FRY: variants seen among roughly 807,000 people sequenced by gnomAD.
The protein encoded by FRY is protein furry homolog.
Under a neutral mutation model 348.4 loss-of-function variants are expected in FRY, and 128 were observed. The ratio of observed to expected loss-of-function variants is 0.37; its 90% CI spans 0.32 to 0.43. The LOEUF (loss-of-function observed/expected upper bound fraction) is 0.43. FRY is among the 20% of genes least tolerant of loss of function. FRY has a pLI of 1.00. For synonymous variants in FRY, 1,370 were observed against 1,374.7 expected (o/e 1.00, Z 0.08); for missense variants, 2,736 against 3,695.2 (o/e 0.74, Z 6.73).
chr13:32,247,243 T>C, intron 47 of FRY, 80 bp from the exon 48 acceptor site: 3 of 1,170,470 alleles, frequency 2.6e-6, no homozygotes, highest in Non-Finnish European at 3.8e-6. Context: ...GGTCACTAGC[T>C]TCTCACTGGT....
At chr13:32,083,396 CTGTTA>C (rs1347255679) in intron 2 of FRY, among the ~76,000 whole-genome samples, 10 of 152,050 alleles carry the variant, frequency 6.6e-5, no homozygotes, top group African/African-American at 1.2e-4. Flanking sequence ...CTTTATTGTT[CTGTTA>C]TAACACTACT....
intron 59 of FRY, among the ~76,000 whole-genome samples, chr13:32,291,400 CTTT>C (rs758125136): frequency 7.0e-6 from 1 of 142,206 alleles, no homozygotes. Flanking sequence ...TTTTCTTTTT[CTTT>C]TTTTTTTTTT....
At chr13:32,167,437 C>G (rs1881802017) in intron 17 of FRY, among the ~76,000 whole-genome samples, 1 of 152,182 alleles carries the variant, frequency 6.6e-6, no homozygotes, top group South Asian at 2.1e-4. Context: ...TGATGTCTGC[C>G]TTTATCTTCA....
At chr13:32,141,800 G>T (rs1313419289) in intron 11 of FRY, among the ~76,000 whole-genome samples, 3 of 152,144 alleles carry the variant, frequency 2.0e-5, no homozygotes, top group Non-Finnish European at 2.9e-5. Context: ...TTTAAAGGAG[G>T]TAGGCATGTT....
intron 3 of FRY, among the ~76,000 whole-genome samples, chr13:32,111,838 A>G (rs1238066807): frequency 6.6e-6 from 1 of 152,200 alleles, no homozygotes; most frequent in Non-Finnish European, 1.5e-5. Flanking sequence ...CAGAATAGTC[A>G]TGAGTTACTA....
intron 6 of FRY, 49 bp downstream of exon 6, chr13:32,124,730 A>C (rs1174805076): frequency 2.6e-6 from 4 of 1,515,946 alleles, no homozygotes; most frequent in African/African-American, 1.4e-5. Context: ...TTTAAAACTA[A>C]ATCAGTGGTT....
In FRY at chr13:32,031,999, CTCTT is replaced by C. The variant is rs11272632; in HGVS notation, c.70+156_70+159del. The C allele has an allele frequency of 5.4e-4, 331 of 618,242 alleles. 1 individual carries two copies. The highest frequency in any genetic ancestry group is 1.1e-3 in the Admixed American group (37 of 33,526). 38.3% of individuals were successfully genotyped at this position (618,242 alleles called of 1,614,324 possible). On this transcript the variant is annotated intron_variant, in intron 1 of 60. Coordinates refer to ENST00000542859, the MANE Select transcript of FRY (RefSeq NM_023037.3). ...TTCTTTTTTTCTTTTCTTTTCTTTT[CTCTT>C]TCTTTCTTTCTTTCTTTCTTTTTCT...
chr13:32,100,144 C>T (rs1877058469), intron 2 of FRY, among the ~76,000 whole-genome samples: 1 of 145,828 alleles, frequency 6.9e-6, no homozygotes, highest in African/African-American at 2.5e-5. Flanking sequence ...CTTGCTCTGT[C>T]ACCAGGCTGG....
At chr13:32,274,445 C>T (rs61948361) in intron 55 of FRY, among the ~76,000 whole-genome samples, 9,024 of 152,130 alleles carry the variant, frequency 0.059, 380 homozygotes, top group East Asian at 0.15. Context: ...CAGTGGCTCA[C>T]ACCTGTAATC....
chr13:32,280,488 C>G (rs1250862515), intron 58 of FRY, among the ~76,000 whole-genome samples: 1 of 152,142 alleles, frequency 6.6e-6, no homozygotes, highest in African/African-American at 2.4e-5. Flanking sequence ...TTATGGCCAC[C>G]CAGTAGTACT....
At chr13:32,186,220 TGTCCA>T in intron 26 of FRY, 35 bp from the exon 27 acceptor site, 1 of 1,422,410 alleles carries the variant, frequency 7.0e-7, no homozygotes, top group Non-Finnish European at 1.0e-6. Context: ...ATATACAGTA[TGTCCA>T]GTCTTATAAC....
At chr13:32,235,125 A>G (rs1269816027) in intron 42 of FRY, among the ~76,000 whole-genome samples, 2 of 152,178 alleles carry the variant, frequency 1.3e-5, no homozygotes, top group Non-Finnish European at 2.9e-5. Context: ...CCCTACCCAG[A>G]GCAGGGACCT....
intron 3 of FRY, among the ~76,000 whole-genome samples, chr13:32,107,983 G>A (rs1593620982): frequency 2.0e-5 from 3 of 152,130 alleles, no homozygotes; most frequent in Admixed American, 1.3e-4. Context: ...ACTAAAAATC[G>A]TTCTGGTAAT....
At chr13:32,172,731 T>C (rs559250491) in intron 18 of FRY, among the ~76,000 whole-genome samples, 1 of 152,268 alleles carries the variant, frequency 6.6e-6, no homozygotes, top group South Asian at 2.1e-4. Flanking sequence ...AGAGATGACA[T>C]TCAGCTCCTT....
intron 36 of FRY, among the ~76,000 whole-genome samples, chr13:32,223,337 G>A (rs1245234546): frequency 6.6e-6 from 1 of 152,084 alleles, no homozygotes; most frequent in Non-Finnish European, 1.5e-5. Flanking sequence ...ACGATTTAAT[G>A]TTTTTCTTTT....
intron 11 of FRY, among the ~76,000 whole-genome samples, chr13:32,143,141 A>C (rs1279903010): frequency 1.3e-5 from 2 of 152,204 alleles, no homozygotes; most frequent in African/African-American, 4.8e-5. Context: ...AAGGCCCCTC[A>C]TGTGCTATAT....
At chr13:32,145,591 G>T (rs892544933) in intron 11 of FRY, among the ~76,000 whole-genome samples, 1 of 137,688 alleles carries the variant, frequency 7.3e-6, no homozygotes, top group Non-Finnish European at 1.5e-5. Flanking sequence ...AGGCCGGACT[G>T]CGGACTGCAG....
rs370749335 is a variant in FRY at position 32,178,828 on chromosome 13, G to A, written c.2682-16G>A. On this transcript the variant is annotated splice_polypyrimidine_tract_variant and intron_variant, in intron 21 of 60. Coordinates refer to ENST00000542859, the MANE Select transcript of FRY (RefSeq NM_023037.3). ...AGAACTTAGTTTCACTCTTGTTTTC[G>A]ACTCCATATTTCTAGTAGCCCAATT... 40 of 1,578,000 alleles carry A rather than the reference G, an allele frequency of 2.5e-5. No individual in the cohort carries two copies. In the African/African-American group the frequency reaches 4.5e-4, roughly 18 times the overall value.
intron 26 of FRY, 146 bp downstream of exon 26, chr13:32,185,294 T>C (rs1882963617): frequency 2.8e-6 from 2 of 725,900 alleles, no homozygotes; most frequent in Admixed American, 2.0e-5. Context: ...CTAGGACATA[T>C]ATATGAGAAC....
Sources: allele counts gnomAD v4.1 joint callset (sites outside exome capture counted in the v4.1 genomes callset), GRCh38; gene constraint gnomAD v4.1.1; transcripts MANE v1.5; gene names NCBI Gene and HGNC (gene_info 2026-07-23, HGNC 2026-07-21).